The following DSG4 variants were observed in gnomAD, a reference collection of about 807,000 sequenced individuals.
DSG4 encodes the protein desmoglein-4.
Under a neutral mutation model 93.1 loss-of-function variants are expected in DSG4, and 87 were observed. The observed-to-expected ratio is 0.93, with a 90% CI of 0.79 to 1.12. The LOEUF is 1.12. Ranked by LOEUF, DSG4 falls within the 50% of genes most tolerant of loss-of-function variation. The probability of loss-of-function intolerance (pLI) is 0.00; values close to 1 mark genes in which losing one functional copy is unlikely to be tolerated. For synonymous variants in DSG4, 432 were observed against 452.9 expected, an observed-to-expected ratio of 0.95 and a Z score of 0.59; for missense variants, 1,373 against 1,285.7, an observed-to-expected ratio of 1.07 and a Z score of -1.04.
Position 31,399,415 on chromosome 18 carries a change from T to G in DSG4, c.1149T>G (p.Pro383=). ...RIQVVDVREG[P]AFHPSTMAFS... ...AAGTTGTTGATGTGAGAGAAGGACC[T>G]GCATTTCATCCAAGTACTATGGCTT... The change falls in exon 9 of 16, where the codon CCT becomes CCG. Residue 383 remains proline (P), a synonymous_variant. Transcript: ENST00000308128. 6.2e-7 allele frequency: 1 copy of G among 1,614,104 alleles called. No individual in the cohort carries two copies. Among genetic ancestry groups the G allele is most frequent in the Non-Finnish European group, 8.5e-7 (1 of 1,179,964 alleles).
At position 31,389,081 on chromosome 18, in the gene DSG4, T is replaced by C. The variant is rs9946169; in HGVS notation, c.517+63T>C. ...ATCTACTTCTCTTGGTCAAAAGCTT[T>C]AGAGGACTGACATACAGGAAATGTA... On this transcript the variant is annotated intron_variant, in intron 5 of 15. Transcript: ENST00000308128. 0.015 allele frequency: 23,352 copies of C among 1,579,342 alleles called. 2,242 individuals are homozygous for C. In the African/African-American group the frequency reaches 0.24, roughly 16 times the overall value.
rs536349543 is a variant in DSG4 at position 31,409,482 on chromosome 18, G to A, written c.1964G>A (p.Cys655Tyr). 6.2e-7 allele frequency: 1 copy of A among 1,614,076 alleles called. No individual in the cohort carries two copies. The highest frequency in any genetic ancestry group is 1.3e-5 in the African/African-American group (1 of 74,916). ...CCACTCTTGCTGCTCCTGTGTTGCT[G>A]CAAACAGAGACAGCCAGAAGGCCTG... Reference protein sequence around the residue: ...LAPLLLLLCCCKQRQPEGLGT... With the variant: ...LAPLLLLLCCYKQRQPEGLGT... Residue 655 changes from cysteine to tyrosine, a missense_variant, in exon 13 of 16, where the codon TGC (cysteine) becomes TAC (tyrosine). By Grantham distance (194) the Cys-to-Tyr change is radical (BLOSUM62 -2). Coordinates refer to ENST00000308128, the MANE Select transcript of DSG4 (RefSeq NM_177986.5).
At chr18:31,383,645 T>C (rs1288905920) in intron 1 of DSG4, among the ~76,000 whole-genome samples, 1 of 152,150 alleles carries the variant, frequency 6.6e-6, no homozygotes, top group African/African-American at 2.4e-5. Context: ...TTCTGGTCTT[T>C]CCTCAAGTCA....
chr18:31,411,152 G>T, intron 14 of DSG4, 79 bp from the exon 15 acceptor site: 1 of 1,613,950 alleles, frequency 6.2e-7, no homozygotes, highest in African/African-American at 1.3e-5. Flanking sequence ...TGGCACCGCA[G>T]ACGGCGGCGG....
At chr18:31,391,959 A>G (rs913426871) in intron 7 of DSG4, among the ~76,000 whole-genome samples, 196 bp from the exon 8 acceptor site, 7 of 152,222 alleles carry the variant, frequency 4.6e-5, no homozygotes, top group African/African-American at 1.7e-4. Flanking sequence ...GATTTTACAT[A>G]CAGCACATGA....
chr18:31,388,227 G>T (rs2072209153), intron 3 of DSG4, 140 bp from the exon 4 acceptor site: 4 of 910,982 alleles, frequency 4.4e-6, no homozygotes, highest in Admixed American at 4.3e-5. Context: ...ATTTTCCAGG[G>T]TCACACAGGA....
chr18:31,395,428 G>T (rs2072295517), intron 8 of DSG4, among the ~76,000 whole-genome samples: 1 of 152,174 alleles, frequency 6.6e-6, no homozygotes, highest in South Asian at 2.1e-4. Context: ...AAATACCAAA[G>T]TAATGGAGAA....
At chr18:31,409,626 G>A (rs1444318988) in intron 13 of DSG4, 35 bp downstream of exon 13, 1 of 1,614,234 alleles carries the variant, frequency 6.2e-7, no homozygotes, top group South Asian at 1.1e-5. Flanking sequence ...GAAGTGTGGA[G>A]TTTCAGTGGA....
chr18:31,413,070 T>G lies in DSG4; in HGVS notation c.2598T>G (p.Thr866=). 1 of 1,614,206 alleles carries G rather than the reference T, an allele frequency of 6.2e-7. No individual in the cohort carries two copies. Among genetic ancestry groups the G allele is most frequent in the Non-Finnish European group, 8.5e-7 (1 of 1,180,036 alleles). ...PSHQACIPIS[T]DLPLLGPNYF... ...ACCAGGCTTGTATACCAATCAGTACTGACCTCCCTTTGCTCGGACCTAATT... is the reference window on the plus strand; with the variant it reads ...ACCAGGCTTGTATACCAATCAGTACGGACCTCCCTTTGCTCGGACCTAATT... The change falls in exon 16 of 16, where the codon ACT becomes ACG. Residue 866 remains threonine, a synonymous_variant. Coordinates refer to ENST00000308128, the MANE Select transcript of DSG4 (RefSeq NM_177986.5).
chr18:31,385,224 T>C (rs1239090191), intron 2 of DSG4, 53 bp downstream of exon 2: 10 of 1,265,738 alleles, frequency 7.9e-6, no homozygotes, highest in Non-Finnish European at 1.0e-5. Context: ...AAAAACTGAA[T>C]TTTGTAATGT....
At chr18:31,392,374 A>G in intron 8 of DSG4, 34 bp downstream of exon 8, 1 of 1,606,548 alleles carries the variant, frequency 6.2e-7, no homozygotes, top group Non-Finnish European at 8.5e-7. Flanking sequence ...TTTTCTTCCA[A>G]AATATTTTAT....
At chr18:31,407,620 T>G (rs190985333) in intron 12 of DSG4, among the ~76,000 whole-genome samples, 9 of 152,340 alleles carry the variant, frequency 5.9e-5, no homozygotes, top group African/African-American at 2.2e-4. Context: ...TTTTCAGGGA[T>G]GAGCACTAAT....
intron 1 of DSG4, among the ~76,000 whole-genome samples, chr18:31,381,155 A>T (rs1357188005): frequency 6.6e-6 from 1 of 152,198 alleles, no homozygotes; most frequent in Non-Finnish European, 1.5e-5. Flanking sequence ...CTTTCTTACC[A>T]AGTCACTTAA....
At chr18:31,399,567 T>G (rs756800338) in intron 9 of DSG4, 24 bp downstream of exon 9, 2 of 1,613,492 alleles carry the variant, frequency 1.2e-6, no homozygotes, top group East Asian at 4.5e-5. Context: ...TTTCTTCATG[T>G]TCTATGGTTC....
rs2072236058 is a variant in DSG4 at position 31,390,542 on chromosome 18, C to T, written c.518-114C>T. On this transcript the variant is annotated intron_variant, in intron 5 of 15. Transcript: ENST00000308128. ...TATGGTACTATATTCCCATGGAAAA[C>T]TCAAACAGAGAGAATTCAGGAGAAG... 6.3e-6 allele frequency: 8 copies of T among 1,270,746 alleles called. No homozygotes were observed. In the South Asian group the frequency reaches 9.8e-5, roughly 16 times the overall value. The allele number at this position is 1,270,746 out of a possible 1,614,324, so 78.7% of individuals were successfully genotyped here. A position where few individuals can be genotyped will look rare whatever the true frequency, so the allele number is the denominator to read the frequency against.
At chr18:31,385,682 C>T (rs1462885235) in intron 2 of DSG4, among the ~76,000 whole-genome samples, 2 of 152,120 alleles carry the variant, frequency 1.3e-5, no homozygotes, top group African/African-American at 4.8e-5. Context: ...TCCTTATGAT[C>T]CCCTCAAATC....
intron 8 of DSG4, among the ~76,000 whole-genome samples, chr18:31,392,684 G>A (rs1160548378): frequency 2.6e-5 from 4 of 152,200 alleles, no homozygotes; most frequent in South Asian, 2.1e-4. Context: ...TGCCAAGGGA[G>A]TGGAATATGA....
chr18:31,390,562 G>A lies in DSG4; in HGVS notation c.518-94G>A, dbSNP rs16961779. On this transcript the variant is annotated intron_variant, in intron 5 of 15. Transcript: ENST00000308128. ...GAAAACTCAAACAGAGAGAATTCAGGAGAAGGCCAACCACTCTGTCTTCTT... is the reference window on the plus strand; with the variant it reads ...GAAAACTCAAACAGAGAGAATTCAGAAGAAGGCCAACCACTCTGTCTTCTT... 10,937 of 1,456,642 alleles carry A rather than the reference G, an allele frequency of 7.5e-3. 663 individuals carry two copies. In the African/African-American group the frequency reaches 0.13, roughly 18 times the overall value. 90.2% of individuals were successfully genotyped at this position (1,456,642 alleles called of 1,614,324 possible). A position where few individuals can be genotyped will look rare whatever the true frequency, so the allele number is the denominator to read the frequency against.
intron 12 of DSG4, among the ~76,000 whole-genome samples, chr18:31,407,540 G>A (rs2144211858): frequency 6.6e-6 from 1 of 152,266 alleles, no homozygotes; most frequent in Non-Finnish European, 1.5e-5. Flanking sequence ...CAATATTTAG[G>A]TTTCATGGGG....
Sources: gnomAD v4.1 joint callset for allele counts (sites outside exome capture counted in the v4.1 genomes callset) on GRCh38, gnomAD v4.1.1 for gene constraint, MANE v1.5 for transcripts, NCBI Gene and HGNC (gene_info 2026-07-23, HGNC 2026-07-21) for gene names.